GRIN2A: variants seen among roughly 807,000 people sequenced by gnomAD.
GRIN2A encodes glutamate receptor ionotropic, NMDA 2A.
GRIN2A carries 22 observed loss-of-function variants against 113.4 expected under a neutral mutation model. The observed-to-expected ratio is 0.19, with a 90% confidence interval of 0.14 to 0.28. GRIN2A has a LOEUF of 0.28. Among genes scored for constraint, GRIN2A ranks in the 10% least tolerant of loss-of-function variants. The pLI, the probability that GRIN2A is intolerant of heterozygous loss-of-function variation, is 1.00. For synonymous variants in GRIN2A, 827 were observed against 738.4 expected (o/e 1.12, Z -1.94); for missense variants, 1,502 against 1,887.0 (o/e 0.80, Z 3.78).
rs185502444 is a variant in GRIN2A at position 10,165,093 on chromosome 16, A to G, written c.414+14905T>C. Among the ~76,000 whole-genome samples, 48 of 152,330 alleles carry G rather than the reference A, an allele frequency of 3.2e-4. 1 individual carries two copies. In the East Asian group the frequency reaches 8.9e-3, roughly 28 times the overall value. ...ATTAAAAGCCAATAATCTGTGATGT[A>G]GACATTTCATTACAAAGATGTTAAA... is the stretch of plus-strand genomic sequence containing the variant. On this transcript the variant is annotated intron_variant, in intron 2 of 12. Transcript: ENST00000330684.
chr16:9,854,496 C>T (rs1179431965), intron 4 of GRIN2A, among the ~76,000 whole-genome samples: 1 of 152,104 alleles, frequency 6.6e-6, no homozygotes, highest in Non-Finnish European at 1.5e-5. Flanking sequence ...TCTCCATTTC[C>T]ACAGTGGCAT....
intron 2 of GRIN2A, among the ~76,000 whole-genome samples, chr16:10,168,855 C>T (rs978551300): frequency 1.3e-5 from 2 of 151,950 alleles, no homozygotes; most frequent in Non-Finnish European, 2.9e-5. Flanking sequence ...ATCCCAGCTA[C>T]TCAGGAGGCT....
chr16:9,915,022 C>T (rs1032137211), intron 3 of GRIN2A, among the ~76,000 whole-genome samples: 26 of 144,088 alleles, frequency 1.8e-4, no homozygotes, highest in East Asian at 4.1e-4. Context: ...CTGCAAGCTC[C>T]GCCTCCCGGG....
In GRIN2A at chr16:10,099,828, T is replaced by C. The variant is rs541505846; in HGVS notation, c.414+80170A>G. On this transcript the variant is annotated intron_variant, in intron 2 of 12. Coordinates refer to ENST00000330684, the MANE Select transcript of GRIN2A (RefSeq NM_001134407.3). ...GAATGTTTGTTATTCCAAACACCAG[T>C]ACTGAAACGTCTGCTCATTCCGTGA... Among the ~76,000 whole-genome samples the C allele has an allele frequency of 1.5e-3, 228 of 152,306 alleles. 2 individuals are homozygous for C. The highest frequency in any genetic ancestry group is 2.8e-4 in the Non-Finnish European group (19 of 68,018).
At chr16:10,138,060 C>T (rs1224174373) in intron 2 of GRIN2A, among the ~76,000 whole-genome samples, 3 of 152,214 alleles carry the variant, frequency 2.0e-5, no homozygotes, top group African/African-American at 7.2e-5. Context: ...TGAATCCACT[C>T]CTAGACCCTA....
intron 10 of GRIN2A, among the ~76,000 whole-genome samples, chr16:9,819,144 G>C (rs1280264519): frequency 6.6e-6 from 1 of 152,172 alleles, no homozygotes. Flanking sequence ...ATGAGGAATA[G>C]TGTGCAGGGA....
intron 2 of GRIN2A, among the ~76,000 whole-genome samples, chr16:9,959,141 G>C (rs2045374364): frequency 6.6e-6 from 1 of 152,130 alleles, no homozygotes; most frequent in African/African-American, 2.4e-5. Flanking sequence ...GGTTTTCAGT[G>C]TTACAAGGAC....
At chr16:9,809,874 T>C (rs903405381) in intron 10 of GRIN2A, among the ~76,000 whole-genome samples, 2 of 152,020 alleles carry the variant, frequency 1.3e-5, no homozygotes, top group African/African-American at 4.8e-5. Flanking sequence ...TCGAGACCAG[T>C]CTGGCCAAGA....
chr16:10,037,496 T>A (rs1482108585), intron 2 of GRIN2A, among the ~76,000 whole-genome samples: 1 of 152,182 alleles, frequency 6.6e-6, no homozygotes, highest in Non-Finnish European at 1.5e-5. Context: ...TGGACTAAGT[T>A]ACTTAAAACC....
chr16:10,083,636 C>T (rs913624329), intron 2 of GRIN2A, among the ~76,000 whole-genome samples: 2 of 152,202 alleles, frequency 1.3e-5, no homozygotes, highest in Admixed American at 6.5e-5. Flanking sequence ...ATGTTCTTTT[C>T]TGCACCTCAC....
chr16:10,028,266 C>T lies in GRIN2A; in HGVS notation c.415-89715G>A, dbSNP rs115905116. ...GTTAAATTCCCCCAAGTTTCACAGT[C>T]AGTAAGTGGCACAGCCATGATTCAA... On this transcript the variant is annotated intron_variant, in intron 2 of 12. Transcript: ENST00000330684. 5.2e-3 allele frequency among the ~76,000 whole-genome samples: 789 copies of T among 152,294 alleles called. 11 individuals carry two copies. Among genetic ancestry groups the T allele is most frequent in the African/African-American group, 0.018 (756 of 41,558 alleles).
intron 10 of GRIN2A, among the ~76,000 whole-genome samples, chr16:9,804,354 C>G (rs920220419): frequency 4.6e-5 from 7 of 152,034 alleles, no homozygotes; most frequent in African/African-American, 7.2e-5. Flanking sequence ...GGGCTGGTTC[C>G]TTAGAACCAA....
intron 2 of GRIN2A, among the ~76,000 whole-genome samples, chr16:10,053,040 T>A (rs1219210212): frequency 1.7e-5 from 2 of 118,000 alleles, no homozygotes; most frequent in Non-Finnish European, 3.5e-5. Flanking sequence ...AGAGCAAGAC[T>A]CCATCTCAAA....
intron 2 of GRIN2A, among the ~76,000 whole-genome samples, chr16:10,171,058 C>T (rs896258840): frequency 1.3e-5 from 2 of 152,120 alleles, no homozygotes; most frequent in African/African-American, 4.8e-5. Flanking sequence ...ACATCTTAAT[C>T]CTTTTAGTCA....
At chr16:9,994,579 C>A (rs1360862989) in intron 2 of GRIN2A, among the ~76,000 whole-genome samples, 4 of 152,010 alleles carry the variant, frequency 2.6e-5, no homozygotes, top group Non-Finnish European at 5.9e-5. Context: ...AATGCAGGAG[C>A]AAGATGAGGG....
chr16:9,822,374 A>C lies in GRIN2A; in HGVS notation c.2058T>G (p.Pro686=). Residue 686 remains proline (P), a synonymous_variant, in exon 10 of 13, where the codon CCT becomes CCG. Coordinates refer to ENST00000330684, the MANE Select transcript of GRIN2A (RefSeq NM_001134407.3). The stretch of plus-strand genomic sequence containing the variant: ...GAATGTTTCTCTCCGTGCTTCCATT[A>C]GGCACTGTCCCAAATCGAAAAGGTG... ...YSPPFRFGTV[P]NGSTERNIRN... 1 of 1,612,840 alleles carries C rather than the reference A, an allele frequency of 6.2e-7. No homozygotes were observed. The highest frequency in any genetic ancestry group is 1.1e-5 in the South Asian group (1 of 91,054).
In GRIN2A at chr16:9,843,874, A is replaced by T. The variant is rs138572383; in HGVS notation, c.1329-2770T>A. On this transcript the variant is annotated intron_variant, in intron 5 of 12. Transcript: ENST00000330684. The stretch of plus-strand genomic sequence containing the variant: ...ATGGAGGGGGTTGGGCTAGAGTTAA[A>T]ACTGCCACAAATATGATAGAAATGT... Among the ~76,000 whole-genome samples the T allele has an allele frequency of 1.2e-3, 184 of 152,262 alleles. 2 individuals carry two copies. The highest frequency in any genetic ancestry group is 4.1e-3 in the African/African-American group (170 of 41,522).
intron 4 of GRIN2A, among the ~76,000 whole-genome samples, chr16:9,862,354 A>G (rs1271452405): frequency 1.3e-5 from 2 of 152,172 alleles, no homozygotes; most frequent in African/African-American, 4.8e-5. Context: ...TGCTCTCAAG[A>G]TAATCTAGTA....
At chr16:10,051,101 C>T (rs2047350967) in intron 2 of GRIN2A, among the ~76,000 whole-genome samples, 2 of 152,218 alleles carry the variant, frequency 1.3e-5, no homozygotes, top group Admixed American at 6.5e-5. Context: ...CTTAACTCCA[C>T]ACTCTTCCTC....
Sources: allele counts gnomAD v4.1 joint callset (sites outside exome capture counted in the v4.1 genomes callset), GRCh38; gene constraint gnomAD v4.1.1; transcripts MANE v1.5; gene names NCBI Gene and HGNC (gene_info 2026-07-23, HGNC 2026-07-21).